The following MVB12B variants were observed in gnomAD, a reference collection of about 807,000 sequenced individuals.
MVB12B encodes the protein multivesicular body subunit 12B, also known as ESCRT-I complex subunit MVB12B.
A neutral mutation model predicts 41.6 loss-of-function variants in MVB12B; 16 were observed. The ratio of observed to expected loss-of-function variants is 0.38; its 90% CI spans 0.26 to 0.58. MVB12B has a LOEUF of 0.58. MVB12B is among the 20% of genes least tolerant of loss of function. MVB12B has a pLI of 0.62. For missense variants in MVB12B, 274 were observed against 380.2 expected (o/e 0.72, Z 2.32); for synonymous variants, 133 against 139.7 (o/e 0.95, Z 0.34).
chr9:126,340,744 C>A lies in MVB12B; in HGVS notation c.204+114C>A. 2 of 1,312,930 alleles carry A rather than the reference C, an allele frequency of 1.5e-6. No individual in the cohort carries two copies. The highest frequency in any genetic ancestry group is 1.5e-5 in the African/African-American group (1 of 68,326). The allele number at this position is 1,312,930 out of a possible 1,614,324, so 81.3% of individuals were successfully genotyped here. ...AAGATGTGCTTCTTCCCTCTAGGAACTTAATCCAGGGAGGGCGTGGAGAGC... is the reference window on the plus strand; with the variant it reads ...AAGATGTGCTTCTTCCCTCTAGGAAATTAATCCAGGGAGGGCGTGGAGAGC... On this transcript the variant is annotated intron_variant, in intron 2 of 9. Coordinates refer to ENST00000361171, the MANE Select transcript of MVB12B (RefSeq NM_033446.3). The surrounding 1 kb of genome is among the most constrained non-coding windows in gnomAD (Gnocchi z 4.0).
intron 9 of MVB12B, 85 bp from the exon 10 acceptor site, chr9:126,503,092 C>A: frequency 8.0e-7 from 1 of 1,247,182 alleles, no homozygotes; most frequent in Non-Finnish European, 1.1e-6. Context: ...CAGGCCTCTG[C>A]CTGATCTTGA....
chr9:126,445,080 G>C (rs1381405924), intron 7 of MVB12B, among the ~76,000 whole-genome samples: 1 of 151,962 alleles, frequency 6.6e-6, no homozygotes, highest in African/African-American at 2.4e-5. Context: ...TAAGTTCCAA[G>C]GAAAATACTT....
chr9:126,373,083 G>A (rs1830385830), intron 2 of MVB12B, among the ~76,000 whole-genome samples: 1 of 152,168 alleles, frequency 6.6e-6, no homozygotes, highest in Non-Finnish European at 1.5e-5. Context: ...ACCACCTGAA[G>A]ACTGAGGCAG....
Position 126,333,172 on chromosome 9 carries a change from C to T in MVB12B, c.81+6162C>T, listed in dbSNP as rs750252493. 9.9e-5 allele frequency among the ~76,000 whole-genome samples: 15 copies of T among 152,108 alleles called. No individual in the cohort carries two copies. The highest frequency in any genetic ancestry group is 2.7e-4 in the African/African-American group (11 of 41,414). ...TGCAATCTTGGCTCACTGCAACCTCCGCCACCCAGGTTCAAGTGATTCTTC... is the reference window on the plus strand; with the variant it reads ...TGCAATCTTGGCTCACTGCAACCTCTGCCACCCAGGTTCAAGTGATTCTTC... On this transcript the variant is annotated intron_variant, in intron 1 of 9. Coordinates refer to ENST00000361171, the MANE Select transcript of MVB12B (RefSeq NM_033446.3). The surrounding 1 kb of genome is among the most constrained non-coding windows in gnomAD (Gnocchi z 4.7).
rs1007266404 is a variant in MVB12B, at chr9:126,486,594, C to T, written c.873+2562C>T. Among the ~76,000 whole-genome samples the T allele has an allele frequency of 3.3e-5, 5 of 152,230 alleles. No individual in the cohort carries two copies. The highest frequency in any genetic ancestry group is 1.2e-4 in the African/African-American group (5 of 41,464). ...CTCAGCGTCGAGCCATCTCCCCTCC[C>T]GTTCTGCTCCGGCCTGCCTGTGGGC... On this transcript the variant is annotated intron_variant, in intron 9 of 9. Coordinates refer to ENST00000361171, the MANE Select transcript of MVB12B (RefSeq NM_033446.3). This position sits in a 1 kb window ranked among gnomAD's most constrained non-coding sequence, Gnocchi z 4.7.
At position 126,340,669 on chromosome 9, in the gene MVB12B, T is replaced by C; in HGVS notation, c.204+39T>C. The C allele has an allele frequency of 6.2e-7, 1 of 1,606,796 alleles. No individual in the cohort carries two copies. The highest frequency in any genetic ancestry group is 8.5e-7 in the Non-Finnish European group (1 of 1,174,528). On this transcript the variant is annotated intron_variant, in intron 2 of 9. Coordinates refer to ENST00000361171, the MANE Select transcript of MVB12B (RefSeq NM_033446.3). This position sits in a 1 kb window ranked among gnomAD's most constrained non-coding sequence, Gnocchi z 4.0. ...CTAGTTTGTACATTTTGCTCACTGA[T>C]TCTACAAGTATTTATCTCCTGTGTC...
intron 7 of MVB12B, among the ~76,000 whole-genome samples, chr9:126,438,253 C>G (rs1433613997): frequency 6.6e-6 from 1 of 152,170 alleles, no homozygotes; most frequent in Non-Finnish European, 1.5e-5. Flanking sequence ...AATTGTGCTA[C>G]TTTCTCCTTT....
intron 7 of MVB12B, chr9:126,481,051 T>G: frequency 2.9e-6 from 1 of 344,706 alleles, no homozygotes; most frequent in East Asian, 5.7e-5. Flanking sequence ...GACTCTCCCG[T>G]TACAGATCAG....
intron 7 of MVB12B, among the ~76,000 whole-genome samples, chr9:126,476,598 C>A (rs1193254162): frequency 6.6e-6 from 1 of 152,014 alleles, no homozygotes; most frequent in Non-Finnish European, 1.5e-5. Flanking sequence ...TAGAATCTGC[C>A]GGTCGCGGTG....
At chr9:126,442,678 C>G (rs954708651) in intron 7 of MVB12B, among the ~76,000 whole-genome samples, 1 of 152,144 alleles carries the variant, frequency 6.6e-6, no homozygotes, top group African/African-American at 2.4e-5. Context: ...GCTGAAAGAG[C>G]AGGTCCCAAC....
intron 1 of MVB12B, among the ~76,000 whole-genome samples, chr9:126,329,866 A>C (rs1243136269): frequency 6.6e-6 from 1 of 151,828 alleles, no homozygotes; most frequent in Non-Finnish European, 1.5e-5. Flanking sequence ...CCTTCTCCCC[A>C]GGCTGCTCTG....
chr9:126,377,169 C>A (rs996042277), intron 2 of MVB12B, among the ~76,000 whole-genome samples: 1 of 152,190 alleles, frequency 6.6e-6, no homozygotes, highest in Non-Finnish European at 1.5e-5. Context: ...GTGTACATTC[C>A]GCCACTGCCT....
At chr9:126,375,404 T>C (rs1830454310) in intron 2 of MVB12B, among the ~76,000 whole-genome samples, 1 of 127,238 alleles carries the variant, frequency 7.9e-6, no homozygotes. Context: ...TTAGGTGCAT[T>C]GTTTTCATTG....
chr9:126,426,837 A>T (rs980847530), intron 7 of MVB12B: 2 of 152,288 alleles, frequency 1.3e-5, no homozygotes, highest in Non-Finnish European at 2.9e-5. Flanking sequence ...GAAGAACTGA[A>T]CTATTCTCTT....
Position 126,403,560 on chromosome 9 carries a change from GA to G in MVB12B, c.662+7864del, listed in dbSNP as rs1831328110. Among the ~76,000 whole-genome samples, 4 of 152,248 alleles carry G rather than the reference GA, an allele frequency of 2.6e-5. 1 individual carries two copies. ...CTAGATTTGCTGCTTACTGATGACA[GA>G]GATCCTCATGTTTTCCTTTTTCTCC... On this transcript the variant is annotated intron_variant, in intron 6 of 9. Transcript: ENST00000361171.
chr9:126,335,970 A>G (rs1829262724), intron 1 of MVB12B, among the ~76,000 whole-genome samples: 1 of 152,256 alleles, frequency 6.6e-6, no homozygotes, highest in South Asian at 2.1e-4. Context: ...TTCAGCCCTG[A>G]GCAGCAGCGC....
chr9:126,451,951 C>A lies in MVB12B; in HGVS notation c.758-29418C>A, dbSNP rs148114659. Among the ~76,000 whole-genome samples the A allele has an allele frequency of 4.1e-3, 620 of 152,246 alleles. 4 individuals are homozygous for A. Among genetic ancestry groups the A allele is most frequent in the African/African-American group, 0.014 (584 of 41,528 alleles). Reference sequence around the variant, plus strand: ...GTCTGATTGAGGACACCTGGAATGCCGCGGGCTTGGTGGTTATGAAAGTCC... The same window carrying A: ...GTCTGATTGAGGACACCTGGAATGCAGCGGGCTTGGTGGTTATGAAAGTCC... On this transcript the variant is annotated intron_variant, in intron 7 of 9. Coordinates refer to ENST00000361171, the MANE Select transcript of MVB12B (RefSeq NM_033446.3).
intron 2 of MVB12B, among the ~76,000 whole-genome samples, chr9:126,375,223 G>A (rs1357435753): frequency 6.6e-6 from 1 of 152,152 alleles, no homozygotes; most frequent in Non-Finnish European, 1.5e-5. Context: ...CATATTAGGA[G>A]TGTGTGTTCT....
At chr9:126,396,532 A>G in intron 6 of MVB12B, 1 of 985,530 alleles carries the variant, frequency 1.0e-6, no homozygotes, top group Non-Finnish European at 1.2e-6. Context: ...ACCGGACAGA[A>G]GAGTCACCAG....
Sources: gnomAD v4.1 joint callset for allele counts (sites outside exome capture counted in the v4.1 genomes callset) on GRCh38, gnomAD v4.1.1 for gene constraint, Gnocchi (gnomAD v3.1) non-coding constraint, MANE v1.5 for transcripts, NCBI Gene and HGNC (gene_info 2026-07-23, HGNC 2026-07-21) for gene names.